The following MTSS2 variants were observed in gnomAD, a reference collection of about 807,000 sequenced individuals.
The protein encoded by MTSS2 is MTSS I-BAR domain containing 2, also known as protein MTSS 2.
Under a neutral mutation model 67.1 loss-of-function variants are expected in MTSS2, and 27 were observed. The observed-to-expected ratio is 0.40, with a 90% CI of 0.30 to 0.55. The LOEUF (loss-of-function observed/expected upper bound fraction) is 0.55. MTSS2 is among the 20% of genes least tolerant of loss of function. MTSS2 has a pLI of 0.43. For missense variants in MTSS2, 1,171 were observed against 1,067.8 expected, an observed-to-expected ratio of 1.10 and a Z score of -1.35; for synonymous variants, 624 against 468.6, an observed-to-expected ratio of 1.33 and a Z score of -4.28.
intron 1 of MTSS2, 66 bp downstream of exon 1, chr16:70,685,657 C>G: frequency 9.9e-7 from 1 of 1,012,170 alleles, no homozygotes; most frequent in South Asian, 4.1e-5. Flanking sequence ...GGCCACCCGC[C>G]GCCACGCGTC....
chr16:70,681,900 C>T (rs2053315523), intron 1 of MTSS2, among the ~76,000 whole-genome samples: 2 of 152,204 alleles, frequency 1.3e-5, no homozygotes, highest in African/African-American at 4.8e-5. Context: ...GAGGTTTTGC[C>T]CCTTGACGGG....
Position 70,663,599 on chromosome 16 carries a change from T to C in MTSS2, c.*78A>G. 6.8e-7 allele frequency: 1 copy of C among 1,463,246 alleles called. No individual in the cohort carries two copies. Among genetic ancestry groups the C allele is most frequent in the African/African-American group, 1.4e-5 (1 of 70,322 alleles). 90.6% of individuals were successfully genotyped at this position (1,463,246 alleles called of 1,614,324 possible). ...TCTGTCCTCTCTCCTGGCTGGGCCT[T>C]TGCTCTGAGTGCCTGCGGCTCACAG... On this transcript the variant is annotated 3_prime_UTR_variant, in exon 15 of 15. Transcript: ENST00000338779.
rs376622110 is a variant in MTSS2, at chr16:70,665,049, C to T, written c.1176G>A (p.Leu392=). Residue 392 remains leucine (L), a synonymous_variant, in exon 13 of 15, where the codon CTG becomes CTA. Transcript: ENST00000338779. ...GSHEQPSGAT[L]QRRKDRVELL... Reference sequence around the variant, plus strand: ...GCTCCACTCGGTCCTTCCTCCGCTGCAGAGTGGCGCCTGAGGGCTGCTCAT... The same window carrying T: ...GCTCCACTCGGTCCTTCCTCCGCTGTAGAGTGGCGCCTGAGGGCTGCTCAT... The T allele has an allele frequency of 1.3e-6, 2 of 1,597,808 alleles. No homozygotes were observed. The highest frequency in any genetic ancestry group is 2.2e-5 in the East Asian group (1 of 44,874).
At chr16:70,666,151 A>G (rs2052706573) in intron 11 of MTSS2, among the ~76,000 whole-genome samples, 1 of 152,012 alleles carries the variant, frequency 6.6e-6, no homozygotes, top group Non-Finnish European at 1.5e-5. Flanking sequence ...ATCAGGTGGG[A>G]GGGAAGAGGA....
Position 70,663,034 on chromosome 16 carries a change from C to CT in MTSS2, c.*642_*643insA, listed in dbSNP as rs933211338. 22 of 152,298 alleles carry CT rather than the reference C, an allele frequency of 1.4e-4. No homozygotes were observed. Among genetic ancestry groups the CT allele is most frequent in the Non-Finnish European group, 2.6e-4 (18 of 68,292 alleles). The allele number at this position is 152,298 out of a possible 1,614,324, so 9.4% of individuals were successfully genotyped here. ...CACAGGGCCCCCAAGACCCCCCCCC[C>CT]CAAGCAGCCCCTGGTTTCCTCCCTG... is the stretch of plus-strand genomic sequence containing the variant. On this transcript the variant is annotated 3_prime_UTR_variant, in exon 15 of 15. Transcript: ENST00000338779.
Position 70,674,465 on chromosome 16 carries a change from T to C in MTSS2, c.894A>G (p.Thr298=), listed in dbSNP as rs371325152. ...AGCGACAGGTGGAACTGGGTGAGTA[T>C]GTTTGGGCACCCCCAGGCCATGGGG... The part of the protein sequence containing the change: ...GGAPWPGGAQ[T]YSPSSTCRYR... The change falls in exon 11 of 15, where the codon ACA becomes ACG. Residue 298 remains threonine, a synonymous_variant. Transcript: ENST00000338779. 8.1e-6 allele frequency: 13 copies of C among 1,613,960 alleles called. No homozygotes were observed. The highest frequency in any genetic ancestry group is 1.1e-5 in the Non-Finnish European group (13 of 1,180,026).
At chr16:70,666,097 A>G (rs2052704830) in intron 11 of MTSS2, among the ~76,000 whole-genome samples, 1 of 152,170 alleles carries the variant, frequency 6.6e-6, no homozygotes, top group South Asian at 2.1e-4. Context: ...CAGCGAGTGC[A>G]GTTAGACAAG....
intron 10 of MTSS2, 114 bp downstream of exon 10, chr16:70,676,767 A>C (rs1052035834): frequency 1.2e-6 from 1 of 842,438 alleles, no homozygotes; most frequent in Non-Finnish European, 1.9e-6. Context: ...GATGGTGTAA[A>C]AGTTGTGAAT....
chr16:70,676,223 G>A (rs2053111861), intron 10 of MTSS2, among the ~76,000 whole-genome samples: 1 of 152,186 alleles, frequency 6.6e-6, no homozygotes, highest in African/African-American at 2.4e-5. Context: ...TCCAAACCCA[G>A]CCCCAGTGCC....
chr16:70,671,367 A>C (rs1217526150), intron 11 of MTSS2, among the ~76,000 whole-genome samples: 1 of 150,882 alleles, frequency 6.6e-6, no homozygotes, highest in African/African-American at 2.4e-5. Flanking sequence ...GCACCATTGC[A>C]CTCCAGCCTG....
chr16:70,670,524 A>T (rs1002729263), intron 11 of MTSS2, among the ~76,000 whole-genome samples: 4 of 152,222 alleles, frequency 2.6e-5, no homozygotes, highest in African/African-American at 7.2e-5. Flanking sequence ...AAAATGGTTA[A>T]ATTACATATT....
intron 1 of MTSS2, among the ~76,000 whole-genome samples, chr16:70,683,734 G>A (rs753488239): frequency 1.3e-5 from 2 of 152,114 alleles, no homozygotes; most frequent in South Asian, 2.1e-4. Flanking sequence ...GTGGCCTCAC[G>A]GGGCAAGCTC....
chr16:70,666,091 G>C (rs535856856), intron 11 of MTSS2, among the ~76,000 whole-genome samples: 6 of 152,184 alleles, frequency 3.9e-5, no homozygotes, highest in African/African-American at 9.6e-5. Flanking sequence ...ACCAGGCAGC[G>C]AGTGCAGTTA....
In MTSS2 at chr16:70,662,239, T is replaced by TAGGA. The variant is rs750585816; in HGVS notation, c.*1434_*1437dup. On this transcript the variant is annotated 3_prime_UTR_variant, in exon 15 of 15. Coordinates refer to ENST00000338779, the MANE Select transcript of MTSS2 (RefSeq NM_138383.3). ...GACCAAGGTGCTCCTGACCCCCAGGTAGGACCCTGCCCTGGGGCCACGATG... is the reference window on the plus strand; with the variant it reads ...GACCAAGGTGCTCCTGACCCCCAGGTAGGAAGGACCCTGCCCTGGGGCCACGATG... 54 of 152,286 alleles carry TAGGA rather than the reference T, an allele frequency of 3.5e-4. No homozygotes were observed. Among genetic ancestry groups the TAGGA allele is most frequent in the Middle Eastern group, 3.1e-3 (1 of 320 alleles). The allele number at this position is 152,286 out of a possible 1,614,324, so 9.4% of individuals were successfully genotyped here.
chr16:70,676,559 A>G (rs2053121505), intron 10 of MTSS2, among the ~76,000 whole-genome samples: 1 of 152,194 alleles, frequency 6.6e-6, no homozygotes, highest in Admixed American at 6.5e-5. Context: ...TGGAGATGAC[A>G]CCATTCCTGA....
In MTSS2 at chr16:70,663,850, C is replaced by A; in HGVS notation, c.2071G>T (p.Gly691Cys). 6.5e-7 allele frequency: 1 copy of A among 1,541,970 alleles called. No homozygotes were observed. The highest frequency in any genetic ancestry group is 1.4e-5 in the African/African-American group (1 of 73,100). Residue 691 changes from glycine to cysteine, a missense_variant, in exon 15 of 15, where the codon GGC becomes TGC. Physicochemically the swap from Gly to Cys is radical, Grantham distance 159 (BLOSUM62 -3). Around this residue, in one of 2 missense-constraint regions of MTSS2, gnomAD observed 924 missense variants for 756.0 expected, o/e 1.22. Transcript: ENST00000338779. ...LVAGAHALGEGQFPFPTALSA... is the reference protein window; with the variant it reads ...LVAGAHALGECQFPFPTALSA... ...AGAGCAGTGGGGAAGGGGAACTGGC[C>A]CTCACCCAGTGCGTGGGCACCCGCC...
rs374194038 is a variant in MTSS2, at chr16:70,665,451, G to A, written c.1128+15C>T. The A allele has an allele frequency of 1.9e-5, 29 of 1,550,124 alleles. No homozygotes were observed. In the African/African-American group the frequency reaches 3.1e-4, roughly 17 times the overall value. On this transcript the variant is annotated intron_variant, in intron 12 of 14. Transcript: ENST00000338779. ...CAGCTGGTGACTGTCCTGGGGCCGG[G>A]CTGGGAGCACTGACCGAGGTGGGGG...
At chr16:70,674,578 G>GGT in intron 10 of MTSS2, 50 bp from the exon 11 acceptor site, 1 of 1,546,524 alleles carries the variant, frequency 6.5e-7, no homozygotes, top group Non-Finnish European at 8.8e-7. Flanking sequence ...GAGACAGAGG[G>GGT]GTGTGTGTTT....
intron 14 of MTSS2, 47 bp from the exon 15 acceptor site, chr16:70,664,496 GC>G: frequency 6.5e-7 from 1 of 1,546,636 alleles, no homozygotes. Context: ...GTGGCCCCTT[GC>G]CCCCAGCCCA....
Sources: gnomAD v4.1 joint callset for allele counts (sites outside exome capture counted in the v4.1 genomes callset) on GRCh38, gnomAD v4.1.1 for gene constraint, gnomAD v4.1.1 regional missense constraint, MANE v1.5 for transcripts, NCBI Gene and HGNC (gene_info 2026-07-23, HGNC 2026-07-21) for gene names.